The following AHRR variants were observed in gnomAD, a reference collection of about 807,000 sequenced individuals.
AHRR encodes the protein ahR repressor.
In AHRR, 28 loss-of-function variants were observed where a neutral mutation model predicts 44.0. The observed-to-expected ratio is 0.64, with a 90% CI of 0.47 to 0.87. The LOEUF (loss-of-function observed/expected upper bound fraction) is 0.87. Ranked by LOEUF, AHRR falls within the 40% of genes least tolerant of loss-of-function variation. AHRR has a pLI of 0.00. For synonymous variants in AHRR, 434 were observed against 407.0 expected (o/e 1.07, Z -0.80); for missense variants, 990 against 953.9 (o/e 1.04, Z -0.50).
intron 7 of AHRR, among the ~76,000 whole-genome samples, chr5:424,364 G>C (rs1736287011): frequency 8.4e-6 from 1 of 118,882 alleles, no homozygotes; most frequent in Non-Finnish European, 2.0e-5. Context: ...GTGATGGTGT[G>C]GGGGTGTTAA....
chr5:341,501 T>TCCCCTC (rs1245052001), intron 1 of AHRR, among the ~76,000 whole-genome samples: 5 of 112,402 alleles, frequency 4.4e-5, no homozygotes, highest in Non-Finnish European at 8.8e-5. Context: ...TCCCCTCCCC[T>TCCCCTC]CCCCTCCTTT....
At chr5:336,506 T>G in intron 1 of AHRR, among the ~76,000 whole-genome samples, 1 of 152,272 alleles carries the variant, frequency 6.6e-6, no homozygotes, top group Non-Finnish European at 1.5e-5. Flanking sequence ...TTTTTGTTGT[T>G]GAATTGTAAG....
chr5:433,011 G>C, intron 10 of AHRR, 64 bp downstream of exon 10: 2 of 1,495,096 alleles, frequency 1.3e-6, no homozygotes, highest in Non-Finnish European at 1.8e-6. Context: ...GGAGGCCAAA[G>C]AGCGGGTGGG....
At chr5:415,047 C>T (rs535549042) in intron 5 of AHRR, among the ~76,000 whole-genome samples, 258 of 152,320 alleles carry the variant, frequency 1.7e-3, no homozygotes, top group Non-Finnish European at 3.2e-3. Flanking sequence ...GGGCCATGGC[C>T]GGGGCAGTGG....
intron 2 of AHRR, among the ~76,000 whole-genome samples, chr5:349,610 A>T (rs1244542456): frequency 2.0e-5 from 3 of 152,028 alleles, no homozygotes; most frequent in African/African-American, 4.8e-5. Context: ...AGAAAATTTT[A>T]AAAAAAGAAA....
intron 1 of AHRR, among the ~76,000 whole-genome samples, chr5:323,472 G>A (rs1323387903): frequency 6.6e-6 from 1 of 152,184 alleles, no homozygotes; most frequent in Non-Finnish European, 1.5e-5. Context: ...CCTGAACTCC[G>A]CGAGGCTTTT....
intron 4 of AHRR, among the ~76,000 whole-genome samples, chr5:409,667 T>TAA (rs1560912850): frequency 3.3e-5 from 5 of 151,762 alleles, no homozygotes; most frequent in Non-Finnish European, 7.4e-5. Context: ...TTTTTTTTTT[T>TAA]AATTGTTGAT....
rs531961003 is a variant in AHRR, at chr5:410,327, G to A, written c.352-3017G>A. Among the ~76,000 whole-genome samples, 20 of 152,278 alleles carry A rather than the reference G, an allele frequency of 1.3e-4. No individual in the cohort carries two copies. In the South Asian group the frequency reaches 4.2e-3, roughly 32 times the overall value. On this transcript the variant is annotated intron_variant, in intron 4 of 10. Transcript: ENST00000684583. Reference sequence around the variant, plus strand: ...TCCTCCCACCTCAGCCTCCCAAGTAGCTGGGACTACAGGCATGCACCACCA... The same window carrying A: ...TCCTCCCACCTCAGCCTCCCAAGTAACTGGGACTACAGGCATGCACCACCA...
At chr5:393,802 T>C (rs1406777904) in intron 4 of AHRR, among the ~76,000 whole-genome samples, 2 of 152,178 alleles carry the variant, frequency 1.3e-5, no homozygotes, top group Non-Finnish European at 2.9e-5. Flanking sequence ...AATGCCCGGC[T>C]AATTTTTGTA....
chr5:432,106 A>G (rs1326767539), intron 8 of AHRR: 12 of 289,772 alleles, frequency 4.1e-5, no homozygotes, highest in Non-Finnish European at 8.0e-5. Context: ...CACTTCCTGG[A>G]ACATAACTAC....
rs376907730 is a variant in AHRR, at chr5:419,840, G to A, written c.442-2889G>A. 8.5e-5 allele frequency among the ~76,000 whole-genome samples: 13 copies of A among 152,314 alleles called. No homozygotes were observed. The East Asian group carries it at 2.3e-3, about 27-fold the overall frequency. On this transcript the variant is annotated intron_variant, in intron 5 of 10. Transcript: ENST00000684583. The surrounding 1 kb of genome is among the most constrained non-coding windows in gnomAD (Gnocchi z 4.4). ...CTAATTTAGAAGGGGGAAGACCCAG[G>A]TTTCTGGGTCTTTGTTTCCTTGGTT...
chr5:322,410 G>A (rs1330580963), intron 1 of AHRR, among the ~76,000 whole-genome samples: 1 of 152,094 alleles, frequency 6.6e-6, no homozygotes, highest in East Asian at 1.9e-4. Flanking sequence ...GAGGCCGGAG[G>A]TCAGAGACCT....
In AHRR at chr5:387,567, G is replaced by A. The variant is rs1372083047; in HGVS notation, c.351+10851G>A. Among the ~76,000 whole-genome samples, 1 of 152,330 alleles carries A rather than the reference G, an allele frequency of 6.6e-6. No individual in the cohort carries two copies. Among genetic ancestry groups the A allele is most frequent in the Non-Finnish European group, 1.5e-5 (1 of 68,018 alleles). ...AGCCATGCAGCACGTCCCTCCACCTGCCTTTCACCCTGTCTGCTGAGGGAT... is the reference window on the plus strand; with the variant it reads ...AGCCATGCAGCACGTCCCTCCACCTACCTTTCACCCTGTCTGCTGAGGGAT... On this transcript the variant is annotated intron_variant, in intron 4 of 10. Coordinates refer to ENST00000684583, the MANE Select transcript of AHRR (RefSeq NM_001377236.1). This position sits in a 1 kb window ranked among gnomAD's most constrained non-coding sequence, Gnocchi z 5.1.
At chr5:393,337 G>T (rs1734556823) in intron 4 of AHRR, among the ~76,000 whole-genome samples, 2 of 152,226 alleles carry the variant, frequency 1.3e-5, no homozygotes, top group Admixed American at 1.3e-4. Context: ...GTCTCATCCA[G>T]CCCAGGGCAC....
chr5:426,124 C>T (rs530031101), intron 7 of AHRR, among the ~76,000 whole-genome samples: 104 of 152,262 alleles, frequency 6.8e-4, no homozygotes, highest in South Asian at 1.0e-3. Flanking sequence ...CCCAGCACAC[C>T]GCTGCCTTGA....
chr5:424,138 G>A (rs929837281), intron 7 of AHRR, among the ~76,000 whole-genome samples, 161 bp downstream of exon 7: 127 of 92,478 alleles, frequency 1.4e-3, no homozygotes, highest in Middle Eastern at 0.014. Context: ...CTGTGATGGT[G>A]TGGGGGTGTT....
At chr5:329,765 C>A (rs1405421956) in intron 1 of AHRR, among the ~76,000 whole-genome samples, 1 of 152,144 alleles carries the variant, frequency 6.6e-6, no homozygotes, top group African/African-American at 2.4e-5. Context: ...TCTTTCTCAG[C>A]TAGATCATTA....
chr5:421,920 C>G (rs78752698), intron 5 of AHRR, among the ~76,000 whole-genome samples: 1 of 152,188 alleles, frequency 6.6e-6, no homozygotes, highest in African/African-American at 2.4e-5. Flanking sequence ...GTTATTATCA[C>G]GATAATAAAT....
intron 3 of AHRR, among the ~76,000 whole-genome samples, chr5:374,389 T>C (rs1393072355): frequency 6.6e-6 from 1 of 152,234 alleles, no homozygotes; most frequent in Non-Finnish European, 1.5e-5. Flanking sequence ...TTCAGCTTTC[T>C]GAACACGCGT....
Sources: allele counts gnomAD v4.1 joint callset (sites outside exome capture counted in the v4.1 genomes callset), GRCh38; gene constraint gnomAD v4.1.1; non-coding constraint Gnocchi (gnomAD v3.1); transcripts MANE v1.5; gene names NCBI Gene and HGNC (gene_info 2026-07-23, HGNC 2026-07-21).